IL7: variants seen among roughly 807,000 people sequenced by gnomAD.
The protein encoded by IL7 is interleukin 7, also known as interleukin-7.
A neutral mutation model predicts 21.6 loss-of-function variants in IL7; 3 were observed. The observed-to-expected ratio is 0.14, with a 90% CI of 0.06 to 0.36. The LOEUF is 0.36. Among genes scored for constraint, IL7 ranks in the 10% least tolerant of loss-of-function variants. The pLI is 1.00. For missense variants in IL7, 175 were observed against 200.2 expected, an observed-to-expected ratio of 0.87 and a Z score of 0.76; for synonymous variants, 62 against 68.1, an observed-to-expected ratio of 0.91 and a Z score of 0.44.
intron 2 of IL7, among the ~76,000 whole-genome samples, chr8:78,781,118 A>G (rs1813313143): frequency 6.6e-6 from 1 of 152,162 alleles, no homozygotes; most frequent in Non-Finnish European, 1.5e-5. Flanking sequence ...GTCTTTGTAC[A>G]TGAGATGTGT....
rs532396388 is a variant in IL7, at chr8:78,766,998, T to C, written c.148-26916A>G. On this transcript the variant is annotated intron_variant, in intron 2 of 5. Transcript: ENST00000263851. ...TGAGAAGTAAAAAATTATGCCTCAT[T>C]ATAGCTTACATTTGCATTTTTGTAA... 2.6e-3 allele frequency among the ~76,000 whole-genome samples: 391 copies of C among 152,294 alleles called. 2 individuals are homozygous for C. The highest frequency in any genetic ancestry group is 4.3e-3 in the Non-Finnish European group (291 of 67,974).
At chr8:78,793,318 G>T (rs1267512991) in intron 2 of IL7, among the ~76,000 whole-genome samples, 1 of 152,064 alleles carries the variant, frequency 6.6e-6, no homozygotes, top group Non-Finnish European at 1.5e-5. Context: ...ATTAGATAGT[G>T]ATAATGATTG....
intron 1 of IL7, among the ~76,000 whole-genome samples, chr8:78,803,495 T>A (rs752503548): frequency 1.3e-5 from 2 of 152,260 alleles, no homozygotes; most frequent in Non-Finnish European, 2.9e-5. Flanking sequence ...GAAACAAACT[T>A]CAGGAAGCCA....
At chr8:78,769,794 G>A (rs564379821) in intron 2 of IL7, among the ~76,000 whole-genome samples, 36 of 152,216 alleles carry the variant, frequency 2.4e-4, no homozygotes, top group African/African-American at 8.4e-4. Context: ...ATACTACAAG[G>A]CTACAGTAAC....
At chr8:78,700,350 T>C (rs1457931617) in intron 3 of IL7, among the ~76,000 whole-genome samples, 1 of 152,086 alleles carries the variant, frequency 6.6e-6, no homozygotes, top group Non-Finnish European at 1.5e-5. Flanking sequence ...TTTTTTCTTG[T>C]AAGTTTGTTT....
At chr8:78,703,024 G>A (rs1810657864) in intron 3 of IL7, among the ~76,000 whole-genome samples, 1 of 152,062 alleles carries the variant, frequency 6.6e-6, no homozygotes, top group African/African-American at 2.4e-5. Context: ...AGCCTCTCGA[G>A]CAGCTGGGAT....
In IL7 at chr8:78,804,931, G is replaced by C. The variant is rs542474928; in HGVS notation, c.-9C>G. On this transcript the variant is annotated 5_prime_UTR_variant, in exon 1 of 6. Transcript: ENST00000263851. Reference sequence around the variant, plus strand: ...CGCTTACCATGGAACATGGTCTGCGGGAGGCGGGCGTAGTCATGATGACCG... The same window carrying C: ...CGCTTACCATGGAACATGGTCTGCGCGAGGCGGGCGTAGTCATGATGACCG... 3.1e-6 allele frequency: 5 copies of C among 1,612,016 alleles called. No individual in the cohort carries two copies. In the South Asian group the frequency reaches 5.5e-5, roughly 18 times the overall value.
chr8:78,798,738 A>T (rs1009872478), intron 1 of IL7, among the ~76,000 whole-genome samples: 1 of 151,996 alleles, frequency 6.6e-6, no homozygotes, highest in Non-Finnish European at 1.5e-5. Context: ...CTTTTTAATA[A>T]TGAACCCTGA....
chr8:78,782,208 C>A (rs112031107), intron 2 of IL7, among the ~76,000 whole-genome samples: 1,696 of 152,292 alleles, frequency 0.011, 33 homozygotes, highest in African/African-American at 0.039. Context: ...CTGAAGCCTA[C>A]TTCTGCCAGT....
At chr8:78,797,228 A>G (rs1813881447) in intron 2 of IL7, among the ~76,000 whole-genome samples, 1 of 151,964 alleles carries the variant, frequency 6.6e-6, no homozygotes, top group South Asian at 2.1e-4. Flanking sequence ...ACATAAACAA[A>G]TCAGTGGTTA....
At chr8:78,720,444 C>T (rs1389850283) in intron 5 of IL7, among the ~76,000 whole-genome samples, 1 of 151,716 alleles carries the variant, frequency 6.6e-6, no homozygotes, top group East Asian at 1.9e-4. Flanking sequence ...TTAAATGTTA[C>T]TCAATGCTCC....
intron 3 of IL7, among the ~76,000 whole-genome samples, chr8:78,698,995 T>G (rs1247403812): frequency 2.0e-5 from 3 of 152,178 alleles, no homozygotes; most frequent in Non-Finnish European, 4.4e-5. Context: ...TGGACTCTTT[T>G]CACGTTTTTA....
At chr8:78,719,042 C>T (rs1244488411) in exon 6 of IL7, 4 of 151,506 alleles carry the variant, frequency 2.6e-5, no homozygotes, top group Non-Finnish European at 5.9e-5. Flanking sequence ...AATTTTTTTC[C>T]CCTCAGTTAT....
chr8:78,715,432 C>T (rs987003064), downstream of IL7: 2 of 1,089,404 alleles, frequency 1.8e-6, no homozygotes, highest in Non-Finnish European at 1.3e-6. Context: ...TATAGAAAAC[C>T]TGATTTTTTT....
At chr8:78,777,397 G>A (rs768529849) in intron 2 of IL7, among the ~76,000 whole-genome samples, 28 of 152,034 alleles carry the variant, frequency 1.8e-4, no homozygotes, top group Admixed American at 3.9e-4. Context: ...TTCTTCACTA[G>A]GACGGACTTT....
chr8:78,748,337 A>G (rs778853729), intron 2 of IL7, among the ~76,000 whole-genome samples: 5 of 152,244 alleles, frequency 3.3e-5, no homozygotes, highest in Admixed American at 2.6e-4. Context: ...AGTGCTTAAC[A>G]TAATTATTTA....
chr8:78,729,894 C>G (rs1811394753), downstream of IL7, among the ~76,000 whole-genome samples: 1 of 151,786 alleles, frequency 6.6e-6, no homozygotes, highest in Non-Finnish European at 1.5e-5. Context: ...TGTCCCTCTC[C>G]CAGAGATAAC....
At chr8:78,804,432 C>T (rs779085691) in intron 1 of IL7, among the ~76,000 whole-genome samples, 11 of 152,194 alleles carry the variant, frequency 7.2e-5, no homozygotes, top group Non-Finnish European at 1.5e-4. Context: ...GACCTGTTCC[C>T]CTAGGGTTTA....
In IL7 at chr8:78,738,527, T is replaced by C; in HGVS notation, c.337A>G (p.Ile113Val). The C allele has an allele frequency of 1.9e-6, 3 of 1,613,636 alleles. No homozygotes were observed. The highest frequency in any genetic ancestry group is 2.5e-6 in the Non-Finnish European group (3 of 1,179,624). ...ACCTGGCCAGTGCAGTTCAACAGTA[T>C]TGTTGTGCCTTCTGAAACTTTTAAT... is the stretch of plus-strand genomic sequence containing the variant. ...HLLKVSEGTT[I>V]LLNCTGQVKG... The change falls in exon 4 of 6, where the codon ATA becomes GTA. Residue 113 changes from isoleucine to valine, a missense_variant. Ile to Val is a conservative substitution (Grantham distance 29). Transcript: ENST00000263851.
Sources: gnomAD v4.1 joint callset for allele counts (sites outside exome capture counted in the v4.1 genomes callset) on GRCh38, gnomAD v4.1.1 for gene constraint, MANE v1.5 for transcripts, NCBI Gene and HGNC (gene_info 2026-07-23, HGNC 2026-07-21) for gene names.